BPI: variants seen among roughly 807,000 people sequenced by gnomAD.
BPI encodes the protein bactericidal permeability increasing protein.
Under a neutral mutation model 57.6 loss-of-function variants are expected in BPI, and 48 were observed. That is an observed-to-expected ratio of 0.83 (90% confidence interval 0.66 to 1.06). BPI has a LOEUF of 1.06. Among genes scored for constraint, BPI ranks in the 50% least tolerant of loss-of-function variants. The pLI is 0.00. For synonymous variants in BPI, 237 were observed against 238.2 expected, an observed-to-expected ratio of 0.99 and a Z score of 0.05; for missense variants, 651 against 609.7, an observed-to-expected ratio of 1.07 and a Z score of -0.71.
chr20:38,324,178 C>G, intron 8 of BPI, 132 bp downstream of exon 8: 2 of 1,126,978 alleles, frequency 1.8e-6, no homozygotes, highest in Non-Finnish European at 2.5e-6. Context: ...TCAGCTAGAG[C>G]TGAGTTCCAA....
At chr20:38,336,865 T>C (rs1361207884) in intron 14 of BPI, among the ~76,000 whole-genome samples, 12 of 152,140 alleles carry the variant, frequency 7.9e-5, no homozygotes. Context: ...TGAGCTGCCA[T>C]GAGGCAGGGA....
rs2076704183 is a variant in BPI, at chr20:38,324,838, G to A, written c.993+5G>A. ...TTTGGAACCTTCCTACCTGAGGTAT[G>A]GAAGACCTTGCTTTCCTTTAGTGAG... On this transcript the variant is annotated splice_donor_5th_base_variant and intron_variant, in intron 9 of 14. Coordinates refer to ENST00000642449, the MANE Select transcript of BPI (RefSeq NM_001725.3). The A allele has an allele frequency of 6.2e-7, 1 of 1,610,244 alleles. No individual in the cohort carries two copies. The highest frequency in any genetic ancestry group is 1.7e-5 in the Admixed American group (1 of 60,002).
At position 38,320,256 on chromosome 20, in the gene BPI, C is replaced by T. The variant is rs553972092; in HGVS notation, c.738C>T (p.Thr246=). 6.2e-7 allele frequency: 1 copy of T among 1,613,946 alleles called. No individual in the cohort carries two copies. Among genetic ancestry groups the T allele is most frequent in the Non-Finnish European group, 8.5e-7 (1 of 1,179,932 alleles). The change falls in exon 7 of 15, where the codon ACC becomes ACT. Residue 246 remains threonine (T), a synonymous_variant. Coordinates refer to ENST00000642449, the MANE Select transcript of BPI (RefSeq NM_001725.3). ...LVAPPATTAE[T]LDVQMKGEFY... ...CACCTCCAGCAACCACGGCTGAGAC[C>T]CTGGATGTACAGATGAAGGTGAGGC...
At position 38,304,351 on chromosome 20, in the gene BPI, A is replaced by G. The variant is rs1450883659; in HGVS notation, c.128A>G (p.Tyr43Cys). The change falls in exon 1 of 15, where the codon TAC (tyrosine) becomes TGC (cysteine). Residue 43 changes from tyrosine to cysteine, a missense_variant and splice_region_variant. Tyr to Cys is a radical substitution (Grantham distance 194). Coordinates refer to ENST00000642449, the MANE Select transcript of BPI (RefSeq NM_001725.3). ...AGGATCTCCCAGAAGGGCCTGGACT[A>G]CGGTAACTGGATGCCTCCCTTCCCT... ...VVRISQKGLD[Y>C]ASQQGTAALQ... 3 of 1,613,178 alleles carry G rather than the reference A, an allele frequency of 1.9e-6. No homozygotes were observed. Among genetic ancestry groups the G allele is most frequent in the Admixed American group, 3.3e-5 (2 of 60,014 alleles).
chr20:38,324,317 A>G (rs1164309848), intron 8 of BPI, among the ~76,000 whole-genome samples: 2 of 152,248 alleles, frequency 1.3e-5, no homozygotes, highest in Non-Finnish European at 2.9e-5. Flanking sequence ...TCAATGAGAT[A>G]GTAATGCCTG....
At chr20:38,331,859 A>T (rs537480306) in intron 12 of BPI, among the ~76,000 whole-genome samples, 3 of 135,776 alleles carry the variant, frequency 2.2e-5, no homozygotes, top group Non-Finnish European at 3.4e-5. Flanking sequence ...AAAAAAAAAA[A>T]AGAGAGAGAA....
chr20:38,317,988 A>T (rs1286591284), intron 5 of BPI: 2 of 985,190 alleles, frequency 2.0e-6, no homozygotes, highest in East Asian at 1.1e-4. Flanking sequence ...AACACTGCCC[A>T]TGCTCCCAGA....
intron 10 of BPI, among the ~76,000 whole-genome samples, chr20:38,327,058 A>T (rs974776844): frequency 2.0e-5 from 3 of 151,956 alleles, no homozygotes; most frequent in African/African-American, 4.8e-5. Flanking sequence ...TCACTCCATC[A>T]CTCCGCAAAG....
intron 11 of BPI, among the ~76,000 whole-genome samples, chr20:38,330,608 A>G (rs2076737475): frequency 1.3e-5 from 2 of 152,220 alleles, no homozygotes; most frequent in African/African-American, 4.8e-5. Flanking sequence ...TGGCTTTGCT[A>G]TCCTCTGTGC....
chr20:38,313,959 G>T (rs2076635133), intron 5 of BPI, among the ~76,000 whole-genome samples: 1 of 151,658 alleles, frequency 6.6e-6, no homozygotes, highest in Admixed American at 6.6e-5. Context: ...TGGTGAGGTT[G>T]ATGATGGTGA....
chr20:38,326,275 A>G lies in BPI; in HGVS notation c.1004A>G (p.Lys335Arg). 1 of 1,612,156 alleles carries G rather than the reference A, an allele frequency of 6.2e-7. No homozygotes were observed. The highest frequency in any genetic ancestry group is 8.5e-7 in the Non-Finnish European group (1 of 1,178,980). Residue 335 changes from lysine (K) to arginine (R), a missense_variant, in exon 10 of 15, where the codon AAG becomes AGG. By Grantham distance (26) the Lys-to-Arg change is conservative. Coordinates refer to ENST00000642449, the MANE Select transcript of BPI (RefSeq NM_001725.3). ...CACTGGGGGCTGCAGGTGGCCAAGAAGTTTCCCAACATGAAGATACAGATC... is the reference window on the plus strand; with the variant it reads ...CACTGGGGGCTGCAGGTGGCCAAGAGGTTTCCCAACATGAAGATACAGATC... ...FGTFLPEVAK[K>R]FPNMKIQIHV...
chr20:38,307,536 T>C (rs2076602632), intron 1 of BPI, 31 bp from the exon 2 acceptor site: 1 of 1,542,060 alleles, frequency 6.5e-7, no homozygotes, highest in Non-Finnish European at 8.8e-7. Flanking sequence ...AGGCTGTGCC[T>C]CTCACTGTCA....
At chr20:38,337,099 C>G in intron 14 of BPI, 47 bp from the exon 15 acceptor site, 1 of 1,582,238 alleles carries the variant, frequency 6.3e-7, no homozygotes, top group Non-Finnish European at 8.6e-7. Context: ...CACTCACAAA[C>G]AAGGGGTGCA....
intron 3 of BPI, among the ~76,000 whole-genome samples, chr20:38,309,405 C>T (rs1443851105): frequency 2.0e-5 from 3 of 152,210 alleles, no homozygotes; most frequent in Non-Finnish European, 4.4e-5. Context: ...CGGCTGTCAT[C>T]ACTTATGTAT....
chr20:38,334,100 T>A (rs564465672), intron 12 of BPI, among the ~76,000 whole-genome samples: 30 of 152,360 alleles, frequency 2.0e-4, no homozygotes, highest in African/African-American at 7.2e-4. Context: ...CTGAGAGGAC[T>A]CATTTTTTAA....
intron 11 of BPI, 141 bp from the exon 12 acceptor site, chr20:38,330,907 C>A: frequency 2.2e-6 from 2 of 906,576 alleles, no homozygotes; most frequent in South Asian, 1.6e-5. Flanking sequence ...CATCGGGGGG[C>A]TGTGACCCGT....
intron 9 of BPI, among the ~76,000 whole-genome samples, chr20:38,325,960 G>A (rs778546966): frequency 1.3e-5 from 2 of 152,044 alleles, no homozygotes; most frequent in Non-Finnish European, 2.9e-5. Flanking sequence ...GCCGAGAGAA[G>A]AATGCGAGGA....
At chr20:38,313,253 C>A (rs1399912338) in intron 5 of BPI, among the ~76,000 whole-genome samples, 1 of 152,012 alleles carries the variant, frequency 6.6e-6, no homozygotes, top group Non-Finnish European at 1.5e-5. Flanking sequence ...CATGGTGATA[C>A]ATGCCTGTAA....
At chr20:38,314,066 GGTT>G (rs1313651820) in intron 5 of BPI, among the ~76,000 whole-genome samples, 2 of 150,578 alleles carry the variant, frequency 1.3e-5, no homozygotes, top group Admixed American at 1.3e-4. Flanking sequence ...ATTATGGTGA[GGTT>G]GATGATGATG....
Sources: gnomAD v4.1 joint callset for allele counts (sites outside exome capture counted in the v4.1 genomes callset) on GRCh38, gnomAD v4.1.1 for gene constraint, MANE v1.5 for transcripts, NCBI Gene and HGNC (gene_info 2026-07-23, HGNC 2026-07-21) for gene names.